The following HIVEP3 variants were observed in gnomAD, a reference collection of about 807,000 sequenced individuals.
HIVEP3 encodes transcription factor HIVEP3.
A neutral mutation model predicts 152.8 loss-of-function variants in HIVEP3; 49 were observed. The ratio of observed to expected loss-of-function variants is 0.32; its 90% confidence interval spans 0.26 to 0.41. The LOEUF (loss-of-function observed/expected upper bound fraction) is 0.41, where lower values mean the gene tolerates loss of function less well. Among genes scored for constraint, HIVEP3 ranks in the 10% least tolerant of loss-of-function variants. The pLI is 1.00. For synonymous variants in HIVEP3, 1,269 were observed against 1,289.0 expected (o/e 0.98, Z 0.33); for missense variants, 2,790 against 3,103.3 (o/e 0.90, Z 2.40).
intron 1 of HIVEP3, among the ~76,000 whole-genome samples, chr1:41,731,929 T>C (rs147566778): frequency 0.015 from 2,219 of 152,330 alleles, 25 homozygotes; most frequent in Non-Finnish European, 0.018. Flanking sequence ...GTGCAATAAA[T>C]ACTGGTTAAA....
In HIVEP3 at chr1:41,682,415, C is replaced by T. The variant is rs184142850; in HGVS notation, c.-721+18501G>A. Among the ~76,000 whole-genome samples, 229 of 152,218 alleles carry T rather than the reference C, an allele frequency of 1.5e-3. 4 individuals carry two copies. The highest frequency in any genetic ancestry group is 1.5e-3 in the Non-Finnish European group (103 of 67,992). ...GCCTGATTCTTCCCTGTGCTCCCAG[C>T]CCCTGAATTGGCCCAGCCCCAAGCA... is the stretch of plus-strand genomic sequence containing the variant. On this transcript the variant is annotated intron_variant, in intron 2 of 8. Transcript: ENST00000372583.
chr1:41,740,642 C>T (rs1646983202), intron 1 of HIVEP3, among the ~76,000 whole-genome samples: 1 of 152,244 alleles, frequency 6.6e-6, no homozygotes, highest in East Asian at 1.9e-4. Context: ...TACACAGGCC[C>T]TGGCTAGGAG....
Position 41,909,522 on chromosome 1 carries a change from G to A in HIVEP3, c.-801+8891C>T, listed in dbSNP as rs143269650. On this transcript the variant is annotated intron_variant, in intron 1 of 8. Coordinates refer to ENST00000372583, the MANE Select transcript of HIVEP3 (RefSeq NM_024503.5). ...CATAAGAAGAAACAGAAAAATCTAC[G>A]ATCATAGTGGGAGATTATAATACTT... is the stretch of plus-strand genomic sequence containing the variant. Among the ~76,000 whole-genome samples, 362 of 152,114 alleles carry A rather than the reference G, an allele frequency of 2.4e-3. 2 individuals are homozygous for A. Among genetic ancestry groups the A allele is most frequent in the African/African-American group, 4.2e-3 (175 of 41,540 alleles).
intron 3 of HIVEP3, among the ~76,000 whole-genome samples, chr1:41,624,201 C>T (rs1039561507): frequency 3.9e-5 from 6 of 152,186 alleles, no homozygotes; most frequent in Admixed American, 6.5e-5. Flanking sequence ...TCTCAGCATC[C>T]GTGGCCCCTC....
intron 3 of HIVEP3, among the ~76,000 whole-genome samples, chr1:41,616,462 G>A (rs1354689759): frequency 6.6e-6 from 1 of 152,102 alleles, no homozygotes; most frequent in Non-Finnish European, 1.5e-5. Flanking sequence ...GAGTCTCCGG[G>A]TTGAAGGGAC....
chr1:41,736,378 G>A (rs1017520438), intron 1 of HIVEP3, among the ~76,000 whole-genome samples: 17 of 152,174 alleles, frequency 1.1e-4, no homozygotes, highest in African/African-American at 1.4e-4. Context: ...TCAGCTCCCC[G>A]TGGAAGGGGT....
At chr1:41,871,068 T>C (rs783428) in intron 1 of HIVEP3, among the ~76,000 whole-genome samples, 116,602 of 152,204 alleles carry the variant, frequency 0.77, 45,036 homozygotes, top group East Asian at 1. Flanking sequence ...GGGAACAAGA[T>C]GGGTTAAAAC....
rs1458596129 is a variant in HIVEP3, at chr1:41,662,913, C to CCG, written c.-720-33968_-720-33967dup. On this transcript the variant is annotated intron_variant, in intron 2 of 8. Transcript: ENST00000372583. This position sits in a 1 kb window ranked among gnomAD's most constrained non-coding sequence, Gnocchi z 7.2. The stretch of plus-strand genomic sequence containing the variant: ...GGGTGCCAGCCGGGCTCCGGGAAGC[C>CCG]CGCGCCTCCCCAGGCGGGAATCCGC... 2.6e-5 allele frequency among the ~76,000 whole-genome samples: 4 copies of CCG among 152,198 alleles called. No individual in the cohort carries two copies. Among genetic ancestry groups the CCG allele is most frequent in the African/African-American group, 9.6e-5 (4 of 41,458 alleles).
chr1:41,982,351 G>A (rs56668297), intron 1 of HIVEP3, among the ~76,000 whole-genome samples: 4,218 of 152,148 alleles, frequency 0.028, 204 homozygotes, highest in African/African-American at 0.097. Context: ...ATGGAACTGC[G>A]TCCCTCTCAT....
intron 1 of HIVEP3, among the ~76,000 whole-genome samples, chr1:41,831,469 TAC>T (rs1023901800): frequency 1.3e-4 from 20 of 152,374 alleles, no homozygotes; most frequent in African/African-American, 4.8e-4. Context: ...ATGGGAATCA[TAC>T]AGTTTTTTAT....
At chr1:41,646,707 C>A (rs1645465826) in intron 2 of HIVEP3, among the ~76,000 whole-genome samples, 1 of 152,202 alleles carries the variant, frequency 6.6e-6, no homozygotes, top group Non-Finnish European at 1.5e-5. Flanking sequence ...ACCTCTTCCC[C>A]ATCATGGCCT....
intron 5 of HIVEP3, among the ~76,000 whole-genome samples, chr1:41,530,045 C>T (rs879836362): frequency 4.6e-5 from 7 of 151,836 alleles, no homozygotes; most frequent in Admixed American, 3.9e-4. Flanking sequence ...CTCATACACT[C>T]TCCTGGCACA....
intron 5 of HIVEP3, among the ~76,000 whole-genome samples, chr1:41,547,382 G>A (rs1308566326): frequency 6.6e-6 from 1 of 152,206 alleles, no homozygotes; most frequent in African/African-American, 2.4e-5. Flanking sequence ...CAAGCAGGCA[G>A]TGGCAGGGTT....
intron 1 of HIVEP3, among the ~76,000 whole-genome samples, chr1:41,751,130 CT>C (rs1220342617): frequency 4.6e-5 from 7 of 152,142 alleles, no homozygotes; most frequent in Non-Finnish European, 8.8e-5. Context: ...CCTGGTTTCT[CT>C]GGGGCTCAGC....
chr1:41,757,693 T>TTTTATTTATTTATTTATTTA lies in HIVEP3; in HGVS notation c.-800-56699_-800-56698insTAAATAAATAAATAAATAAA, dbSNP rs1226100189. Among the ~76,000 whole-genome samples the TTTTATTTATTTATTTATTTA allele has an allele frequency of 1.5e-4, 9 of 61,840 alleles. No individual in the cohort carries two copies. The East Asian group carries it at 4.0e-3, about 28-fold the overall frequency. 40.6% of individuals were successfully genotyped at this position (61,840 alleles called of 152,430 possible). A position where few individuals can be genotyped will look rare whatever the true frequency, so the allele number is the denominator to read the frequency against. On this transcript the variant is annotated intron_variant, in intron 1 of 8. Transcript: ENST00000372583. Reference sequence around the variant, plus strand: ...CTTCAGTCTGTTTATATTTTCTACTTTGTATTTATTTATTTATTTATTTAT... The same window carrying TTTTATTTATTTATTTATTTA: ...CTTCAGTCTGTTTATATTTTCTACTTTTTATTTATTTATTTATTTATGTATTTATTTATTTATTTATTTAT...
At chr1:41,821,157 G>T (rs1642585794) in intron 1 of HIVEP3, among the ~76,000 whole-genome samples, 1 of 152,160 alleles carries the variant, frequency 6.6e-6, no homozygotes, top group Admixed American at 6.5e-5. Flanking sequence ...AGACTCCCCA[G>T]TTGTGGTCTG....
chr1:41,990,565 C>A (rs1246685001), intron 1 of HIVEP3, among the ~76,000 whole-genome samples: 13 of 144,346 alleles, frequency 9.0e-5, no homozygotes, highest in Non-Finnish European at 1.7e-4. Context: ...GACTTTAACA[C>A]CCCACTGTCA....
At chr1:41,524,269 G>A (rs568783932) in intron 6 of HIVEP3, among the ~76,000 whole-genome samples, 56 of 152,250 alleles carry the variant, frequency 3.7e-4, no homozygotes, top group South Asian at 2.7e-3. Flanking sequence ...AGGTCGGCGC[G>A]CTCTGGCAGG....
chr1:41,654,975 G>C (rs1250546262), intron 2 of HIVEP3, among the ~76,000 whole-genome samples: 1 of 152,152 alleles, frequency 6.6e-6, no homozygotes, highest in Non-Finnish European at 1.5e-5. Context: ...TGAGAGAGCT[G>C]AATGAGACAG....
Sources: gnomAD v4.1 joint callset for allele counts (sites outside exome capture counted in the v4.1 genomes callset) on GRCh38, gnomAD v4.1.1 for gene constraint, Gnocchi (gnomAD v3.1) non-coding constraint, MANE v1.5 for transcripts, NCBI Gene and HGNC (gene_info 2026-07-23, HGNC 2026-07-21) for gene names.